Variants in SLC8A1 observed in about 807,000 individuals in gnomAD.
The protein encoded by SLC8A1 is sodium/calcium exchanger 1.
A neutral mutation model predicts 68.3 loss-of-function variants in SLC8A1; 18 were observed. The observed-to-expected ratio is 0.26, with a 90% CI of 0.18 to 0.39. The LOEUF is 0.39. SLC8A1 is among the 10% of genes least tolerant of loss of function. SLC8A1 has a pLI of 1.00. For synonymous variants in SLC8A1, 475 were observed against 415.5 expected (o/e 1.14, Z -1.74); for missense variants, 985 against 1,156.7 (o/e 0.85, Z 2.15).
At chr2:40,318,274 A>G (rs938849085) in intron 2 of SLC8A1, among the ~76,000 whole-genome samples, 21 of 151,976 alleles carry the variant, frequency 1.4e-4, no homozygotes, top group Admixed American at 5.3e-4. Flanking sequence ...CCTCATCTCA[A>G]AACTACCTAA....
At chr2:40,127,898 T>TAATA (rs768386989) in intron 7 of SLC8A1, among the ~76,000 whole-genome samples, 2 of 152,202 alleles carry the variant, frequency 1.3e-5, no homozygotes, top group East Asian at 1.9e-4. Flanking sequence ...ACAAAGGTTA[T>TAATA]AAAATACGGG....
At chr2:40,384,019 G>C (rs958186502) in intron 2 of SLC8A1, among the ~76,000 whole-genome samples, 1 of 152,012 alleles carries the variant, frequency 6.6e-6, no homozygotes, top group Admixed American at 6.6e-5. Context: ...TCAACATTTT[G>C]GGAGGTTGAA....
intron 2 of SLC8A1, among the ~76,000 whole-genome samples, chr2:40,374,562 C>T (rs1488291659): frequency 6.6e-6 from 1 of 151,830 alleles, no homozygotes; most frequent in African/African-American, 2.4e-5. Flanking sequence ...CCTGAATAGG[C>T]CTGTAAAGGA....
rs146155957 is a variant in SLC8A1, at chr2:40,146,722, A to G, written c.2162-7046T>C. 1.3e-4 allele frequency among the ~76,000 whole-genome samples: 20 copies of G among 152,212 alleles called. No homozygotes were observed. In the East Asian group the frequency reaches 3.9e-3, roughly 29 times the overall value. On this transcript the variant is annotated intron_variant, in intron 6 of 7. Transcript: ENST00000406785. Reference sequence around the variant, plus strand: ...ACATTGGATATTAATACTATTGTACATAAAATTTGAGTTCAAGTTTGCTAT... The same window carrying G: ...ACATTGGATATTAATACTATTGTACGTAAAATTTGAGTTCAAGTTTGCTAT...
intron 2 of SLC8A1, among the ~76,000 whole-genome samples, chr2:40,287,612 G>A (rs1039030622): frequency 1.3e-5 from 2 of 149,870 alleles, no homozygotes; most frequent in African/African-American, 5.0e-5. Flanking sequence ...GTGTGTGTGT[G>A]TGTGTGTGCA....
chr2:40,309,487 C>A (rs1402251055), intron 2 of SLC8A1, among the ~76,000 whole-genome samples: 1 of 150,894 alleles, frequency 6.6e-6, no homozygotes, highest in African/African-American at 2.4e-5. Flanking sequence ...AATGAATGAT[C>A]TCCTGAATAT....
At chr2:40,189,562 C>T (rs577348292) in intron 2 of SLC8A1, among the ~76,000 whole-genome samples, 76 of 152,230 alleles carry the variant, frequency 5.0e-4, no homozygotes, top group Non-Finnish European at 9.7e-4. Flanking sequence ...ATACCACCCA[C>T]CCCAGCCTCC....
chr2:40,238,200 C>T (rs1208676282), intron 2 of SLC8A1, among the ~76,000 whole-genome samples: 1 of 152,008 alleles, frequency 6.6e-6, no homozygotes, highest in East Asian at 1.9e-4. Context: ...GCCCCTCCCC[C>T]AGCCTCGCTG....
intron 2 of SLC8A1, among the ~76,000 whole-genome samples, chr2:40,297,587 GCAAACATTTTCAT>G (rs2070651899): frequency 6.6e-6 from 1 of 152,158 alleles, no homozygotes; most frequent in Non-Finnish European, 1.5e-5. Context: ...TTTGTGTAAA[GCAAACATTTTCAT>G]TACTTATCTA....
chr2:40,437,059 TATC>T (rs1253049722), intron 1 of SLC8A1, among the ~76,000 whole-genome samples: 1 of 152,174 alleles, frequency 6.6e-6, no homozygotes, highest in Non-Finnish European at 1.5e-5. Flanking sequence ...AAGGAGATAT[TATC>T]ATTCGCATTT....
At chr2:40,464,201 G>T (rs1212193840) in intron 1 of SLC8A1, among the ~76,000 whole-genome samples, 2 of 152,060 alleles carry the variant, frequency 1.3e-5, no homozygotes, top group African/African-American at 2.4e-5. Flanking sequence ...GGCCAAAAGA[G>T]GATACATACA....
intron 2 of SLC8A1, among the ~76,000 whole-genome samples, chr2:40,351,585 CA>C (rs35996211): frequency 1.5e-3 from 215 of 142,198 alleles, no homozygotes; most frequent in East Asian, 2.0e-3. Context: ...ATGTTGCATC[CA>C]AAAAAAAAAA....
At chr2:40,423,489 A>T (rs1388022221) in intron 2 of SLC8A1, among the ~76,000 whole-genome samples, 1 of 152,022 alleles carries the variant, frequency 6.6e-6, no homozygotes, top group Non-Finnish European at 1.5e-5. Flanking sequence ...AGATTAACTG[A>T]TATATAAATT....
chr2:40,475,919 GA>G (rs965150269), intron 1 of SLC8A1, among the ~76,000 whole-genome samples: 1 of 152,008 alleles, frequency 6.6e-6, no homozygotes. Flanking sequence ...TCACATCATA[GA>G]AAAGGATTTT....
At chr2:40,324,030 G>T (rs563160571) in intron 2 of SLC8A1, among the ~76,000 whole-genome samples, 9 of 140,042 alleles carry the variant, frequency 6.4e-5, no homozygotes, top group South Asian at 6.4e-4. Context: ...GTTAAAGGTG[G>T]GGGGGGGGCT....
At chr2:40,420,165 T>C (rs1260434683) in intron 2 of SLC8A1, among the ~76,000 whole-genome samples, 1 of 152,094 alleles carries the variant, frequency 6.6e-6, no homozygotes, top group Non-Finnish European at 1.5e-5. Flanking sequence ...AGGTTGGAAT[T>C]CTAAGTTTTT....
At chr2:40,494,640 AATATATATATATATAT>A (rs34595267) in intron 1 of SLC8A1, among the ~76,000 whole-genome samples, 6,153 of 92,644 alleles carry the variant, frequency 0.066, 308 homozygotes, top group East Asian at 0.27. Flanking sequence ...CTTAAAGTAT[AATATATATATATATAT>A]ATATATATAT....
chr2:40,342,863 G>A (rs930988607), intron 2 of SLC8A1, among the ~76,000 whole-genome samples: 18 of 152,116 alleles, frequency 1.2e-4, no homozygotes, highest in Middle Eastern at 3.4e-3. Context: ...TAGAGTATTC[G>A]GGGTTCTTGA....
At chr2:40,262,276 T>C (rs1040704645) in intron 2 of SLC8A1, among the ~76,000 whole-genome samples, 1 of 152,208 alleles carries the variant, frequency 6.6e-6, no homozygotes, top group Admixed American at 6.5e-5. Flanking sequence ...TTCACTATTA[T>C]ATTGCCAATA....
Sources: gnomAD v4.1 joint callset for allele counts (sites outside exome capture counted in the v4.1 genomes callset) on GRCh38, gnomAD v4.1.1 for gene constraint, MANE v1.5 for transcripts, NCBI Gene and HGNC (gene_info 2026-07-23, HGNC 2026-07-21) for gene names.